Variants in GALNT18 observed in about 807,000 individuals in gnomAD.
GALNT18 encodes the protein GalNAc-transferase 18.
GALNT18 carries 44 observed loss-of-function variants against 69.5 expected under a neutral mutation model. That is an observed-to-expected ratio of 0.63 (90% CI 0.50 to 0.81). The LOEUF (loss-of-function observed/expected upper bound fraction) is 0.81, where lower values mean the gene tolerates loss of function less well. GALNT18 is among the 40% of genes least tolerant of loss of function. The pLI, the probability that GALNT18 is intolerant of heterozygous loss-of-function variation, is 0.00. For missense variants in GALNT18, 715 were observed against 810.0 expected, an observed-to-expected ratio of 0.88 and a Z score of 1.42; for synonymous variants, 364 against 318.2, an observed-to-expected ratio of 1.14 and a Z score of -1.53.
intron 9 of GALNT18, among the ~76,000 whole-genome samples, chr11:11,313,441 G>A (rs781682460): frequency 3.3e-5 from 5 of 152,182 alleles, no homozygotes; most frequent in Admixed American, 3.3e-4. Context: ...AGATCCTAAG[G>A]AGAAGAGTAT....
chr11:11,279,278 T>C (rs999928465), intron 10 of GALNT18, among the ~76,000 whole-genome samples: 11 of 152,170 alleles, frequency 7.2e-5, no homozygotes, highest in African/African-American at 2.7e-4. Context: ...TTTAATTTCT[T>C]TGTAGCAATG....
rs10831596 is a variant in GALNT18, at chr11:11,347,982, T to C, written c.1093-6978A>G. Among the ~76,000 whole-genome samples the C allele has an allele frequency of 0.95, 144,966 of 152,072 alleles. 69,457 individuals are homozygous for C. The highest frequency in any genetic ancestry group is 1 in the East Asian group (5,153 of 5,154). On this transcript the variant is annotated intron_variant, in intron 6 of 10. Transcript: ENST00000227756. This position sits in a 1 kb window ranked among gnomAD's most constrained non-coding sequence, Gnocchi z 4.0. ...CTGAACGGTCAGAGATGTAGGCAAA[T>C]AATAGGGGTGGGCAGGACACTGACA... is the stretch of plus-strand genomic sequence containing the variant.
intron 1 of GALNT18, among the ~76,000 whole-genome samples, chr11:11,552,968 A>G (rs1222221566): frequency 6.6e-6 from 1 of 152,142 alleles, no homozygotes; most frequent in Non-Finnish European, 1.5e-5. Flanking sequence ...TTCCCATGCA[A>G]GGGTCTCAGC....
chr11:11,280,832 G>C (rs2132984886), intron 10 of GALNT18, among the ~76,000 whole-genome samples: 1 of 152,272 alleles, frequency 6.6e-6, no homozygotes, highest in Non-Finnish European at 1.5e-5. Flanking sequence ...GCCTCAAGTT[G>C]TCCTCTCAAA....
At chr11:11,548,854 T>C (rs1858126569) in intron 1 of GALNT18, among the ~76,000 whole-genome samples, 1 of 152,210 alleles carries the variant, frequency 6.6e-6, no homozygotes, top group African/African-American at 2.4e-5. Flanking sequence ...CTAATCACAA[T>C]AGATGTTTTC....
intron 1 of GALNT18, among the ~76,000 whole-genome samples, chr11:11,551,160 T>C (rs960264982): frequency 1.3e-5 from 2 of 152,094 alleles, no homozygotes; most frequent in African/African-American, 4.8e-5. Context: ...GTTCACTTTA[T>C]TTATATAAAG....
At chr11:11,525,203 C>T (rs1267121830) in intron 1 of GALNT18, among the ~76,000 whole-genome samples, 2 of 152,028 alleles carry the variant, frequency 1.3e-5, no homozygotes, top group African/African-American at 2.4e-5. Context: ...GAGGAGATTT[C>T]GAAAGGCCCA....
In GALNT18 at chr11:11,614,170, G is replaced by A. The variant is rs1225110601; in HGVS notation, c.235+7189C>T. ...GCTATAAAGGAGTACCTGAGGCTTG[G>A]TAATTTATAAAATTATAAATTTATA... On this transcript the variant is annotated intron_variant, in intron 1 of 10. Transcript: ENST00000227756. This position sits in a 1 kb window ranked among gnomAD's most constrained non-coding sequence, Gnocchi z 5.6. Among the ~76,000 whole-genome samples the A allele has an allele frequency of 6.6e-6, 1 of 152,098 alleles. No individual in the cohort carries two copies. Among genetic ancestry groups the A allele is most frequent in the Non-Finnish European group, 1.5e-5 (1 of 68,020 alleles).
chr11:11,386,682 T>G (rs184134496), intron 3 of GALNT18, among the ~76,000 whole-genome samples: 5 of 152,340 alleles, frequency 3.3e-5, no homozygotes, highest in Admixed American at 3.3e-4. Flanking sequence ...GTTATCTCAT[T>G]TAATCATTTC....
intron 1 of GALNT18, among the ~76,000 whole-genome samples, chr11:11,501,431 T>C (rs1856969831): frequency 6.6e-6 from 1 of 152,220 alleles, no homozygotes; most frequent in African/African-American, 2.4e-5. Context: ...AAGTTAATAT[T>C]ATTCCATTAT....
At chr11:11,556,385 T>G (rs1253891830) in intron 1 of GALNT18, among the ~76,000 whole-genome samples, 2 of 152,142 alleles carry the variant, frequency 1.3e-5, no homozygotes, top group African/African-American at 2.4e-5. Flanking sequence ...ATTGCAAAAA[T>G]GTCACTGGGG....
At chr11:11,408,734 A>G (rs1006034445) in intron 3 of GALNT18, among the ~76,000 whole-genome samples, 1 of 152,156 alleles carries the variant, frequency 6.6e-6, no homozygotes, top group African/African-American at 2.4e-5. Context: ...AACAGCCCCT[A>G]CTGGGCCCAA....
intron 6 of GALNT18, among the ~76,000 whole-genome samples, chr11:11,349,157 CAT>C (rs1339173658): frequency 6.6e-6 from 1 of 152,152 alleles, no homozygotes; most frequent in Non-Finnish European, 1.5e-5. Context: ...TTTTCATCAC[CAT>C]AGTGTTCCAT....
chr11:11,504,347 G>A (rs1857028631), intron 1 of GALNT18, among the ~76,000 whole-genome samples: 1 of 152,112 alleles, frequency 6.6e-6, no homozygotes, highest in South Asian at 2.1e-4. Flanking sequence ...GGACTGAATA[G>A]CCCTGGGCAC....
At chr11:11,464,705 T>C (rs1856118930) in intron 1 of GALNT18, among the ~76,000 whole-genome samples, 1 of 152,236 alleles carries the variant, frequency 6.6e-6, no homozygotes, top group African/African-American at 2.4e-5. Flanking sequence ...CAGCATAGCC[T>C]AGCGGGGAAG....
chr11:11,482,590 ATTCCCATACACAGGATAGT>A (rs1373790214), intron 1 of GALNT18, among the ~76,000 whole-genome samples: 2 of 152,218 alleles, frequency 1.3e-5, no homozygotes, highest in Admixed American at 1.3e-4. Context: ...ACCAGCTTGG[ATTCCCATACACAGGATAGT>A]CTGTCTTCCT....
At position 11,596,921 on chromosome 11, in the gene GALNT18, G is replaced by A. The variant is rs927956155; in HGVS notation, c.235+24438C>T. On this transcript the variant is annotated intron_variant, in intron 1 of 10. Transcript: ENST00000227756. This position sits in a 1 kb window ranked among gnomAD's most constrained non-coding sequence, Gnocchi z 4.2. ...CATTCAGTCTTTGACCATTAAGTAT[G>A]ATGTTAGTTGTGGGATTTTTTGTAG... Among the ~76,000 whole-genome samples the A allele has an allele frequency of 1.3e-5, 2 of 152,118 alleles. No individual in the cohort carries two copies. Among genetic ancestry groups the A allele is most frequent in the African/African-American group, 2.4e-5 (1 of 41,416 alleles).
rs1380426837 is a variant in GALNT18, at chr11:11,540,025, C to A, written c.235+81334G>T. Among the ~76,000 whole-genome samples, 1 of 152,192 alleles carries A rather than the reference C, an allele frequency of 6.6e-6. No homozygotes were observed. Among genetic ancestry groups the A allele is most frequent in the Non-Finnish European group, 1.5e-5 (1 of 68,030 alleles). On this transcript the variant is annotated intron_variant, in intron 1 of 10. Transcript: ENST00000227756. This position sits in a 1 kb window ranked among gnomAD's most constrained non-coding sequence, Gnocchi z 4.6. ...GGAGACGGAGCTGCACAGGGGACCCCGATGCCAGTCCGGCACTTGCAGCCT... is the reference window on the plus strand; with the variant it reads ...GGAGACGGAGCTGCACAGGGGACCCAGATGCCAGTCCGGCACTTGCAGCCT...
chr11:11,422,588 G>T (rs1484576320), intron 3 of GALNT18, among the ~76,000 whole-genome samples: 2 of 151,372 alleles, frequency 1.3e-5, no homozygotes, highest in African/African-American at 4.9e-5. Flanking sequence ...GCACAATACT[G>T]TTGGACCATT....
Sources: gnomAD v4.1 joint callset for allele counts (sites outside exome capture counted in the v4.1 genomes callset) on GRCh38, gnomAD v4.1.1 for gene constraint, Gnocchi (gnomAD v3.1) non-coding constraint, MANE v1.5 for transcripts, NCBI Gene and HGNC (gene_info 2026-07-23, HGNC 2026-07-21) for gene names.